The following GSTCD variants were observed in gnomAD, a reference collection of about 807,000 sequenced individuals.
The protein encoded by GSTCD is glutathione S-transferase C-terminal domain containing, also known as glutathione S-transferase C-terminal domain-containing protein.
Under a neutral mutation model 68.3 loss-of-function variants are expected in GSTCD, and 44 were observed. The ratio of observed to expected loss-of-function variants is 0.64; its 90% CI spans 0.51 to 0.83. GSTCD has a LOEUF of 0.83. Ranked by LOEUF, GSTCD falls within the 40% of genes least tolerant of loss-of-function variation. The pLI is 0.00. For synonymous variants in GSTCD, 273 were observed against 255.2 expected, an observed-to-expected ratio of 1.07 and a Z score of -0.67; for missense variants, 739 against 735.9, an observed-to-expected ratio of 1.00 and a Z score of -0.05.
chr4:105,823,568 T>G (rs1348106831), intron 7 of GSTCD: 18 of 217,436 alleles, frequency 8.3e-5, no homozygotes, highest in Non-Finnish European at 1.6e-4. Flanking sequence ...TTCAACTAGT[T>G]TAATTTTCAA....
At chr4:105,787,197 T>C (rs1671218830) in intron 5 of GSTCD, among the ~76,000 whole-genome samples, 1 of 152,098 alleles carries the variant, frequency 6.6e-6, no homozygotes, top group African/African-American at 2.4e-5. Context: ...GTTCCCATAC[T>C]TTCCATGCAT....
At position 105,726,672 on chromosome 4, in the gene GSTCD, ACAG is replaced by A; in HGVS notation, c.993_995del (p.Ala332del). ...GATTCAGGAAGTGCCAGGAGTAAAA[ACAG>A]CAGCTTCTAAGTGTGGGATCCAATT... On this transcript the variant is annotated inframe_deletion, in exon 4 of 12. Transcript: ENST00000515279. 1 of 1,613,978 alleles carries A rather than the reference ACAG, an allele frequency of 6.2e-7. No individual in the cohort carries two copies. Among genetic ancestry groups the A allele is most frequent in the Non-Finnish European group, 8.5e-7 (1 of 1,179,938 alleles).
In GSTCD at chr4:105,823,020, C is replaced by A. The variant is rs1723386645; in HGVS notation, c.1307C>A (p.Thr436Lys). 5.6e-6 allele frequency: 9 copies of A among 1,613,734 alleles called. No homozygotes were observed. The highest frequency in any genetic ancestry group is 7.6e-6 in the Non-Finnish European group (9 of 1,179,794). Residue 436 changes from threonine (T) to lysine (K), a missense_variant, in exon 6 of 12, where the codon ACA becomes AAA. Coordinates refer to ENST00000515279, the MANE Select transcript of GSTCD (RefSeq NM_001370181.1). ...QQLNNLVYVV[T>K]NQAKPGDRIV... is the part of the protein sequence containing the mutation. ...TTGAACAACCTTGTCTATGTGGTAA[C>A]AAATCAGGCCAAACCTGGTGACAGA...
At chr4:105,722,552 G>A (rs943128181) in intron 3 of GSTCD, among the ~76,000 whole-genome samples, 1 of 151,906 alleles carries the variant, frequency 6.6e-6, no homozygotes, top group Non-Finnish European at 1.5e-5. Context: ...GTATGACTAA[G>A]GAAATGATAT....
At chr4:105,744,655 C>G (rs572503052) in intron 5 of GSTCD, among the ~76,000 whole-genome samples, 245 of 152,196 alleles carry the variant, frequency 1.6e-3, no homozygotes, top group African/African-American at 5.4e-3. Flanking sequence ...TGGAAATGCC[C>G]CCAACCATTC....
chr4:105,786,556 A>G (rs1026702831), intron 5 of GSTCD, among the ~76,000 whole-genome samples: 24 of 151,606 alleles, frequency 1.6e-4, no homozygotes, highest in South Asian at 2.1e-4. Flanking sequence ...AAAGACCACA[A>G]TCCACATAAT....
At chr4:105,797,402 T>C (rs1163190571) in intron 5 of GSTCD, among the ~76,000 whole-genome samples, 1 of 152,178 alleles carries the variant, frequency 6.6e-6, no homozygotes, top group Non-Finnish European at 1.5e-5. Flanking sequence ...CATGCATTTT[T>C]TGGTTTGCCA....
chr4:105,820,608 C>T (rs749733021), intron 5 of GSTCD: 6 of 151,738 alleles, frequency 4.0e-5, no homozygotes, highest in African/African-American at 7.2e-5. Flanking sequence ...AAAACTAGAA[C>T]GGGGAAAGAG....
chr4:105,795,461 G>C (rs1364019278), intron 5 of GSTCD, among the ~76,000 whole-genome samples: 1 of 152,060 alleles, frequency 6.6e-6, no homozygotes, highest in African/African-American at 2.4e-5. Context: ...ATTGTGAGCA[G>C]AATCTCTAAT....
intron 5 of GSTCD, among the ~76,000 whole-genome samples, chr4:105,773,197 G>A (rs1411202629): frequency 1.3e-5 from 2 of 152,066 alleles, no homozygotes; most frequent in African/African-American, 2.4e-5. Context: ...TGGGATAGTG[G>A]TGATATCCCC....
At chr4:105,732,799 A>T (rs574892670) in intron 5 of GSTCD, among the ~76,000 whole-genome samples, 1 of 152,108 alleles carries the variant, frequency 6.6e-6, no homozygotes, top group Non-Finnish European at 1.5e-5. Context: ...TCAATTTTAG[A>T]TCTTTCCTGC....
intron 5 of GSTCD, among the ~76,000 whole-genome samples, chr4:105,763,308 T>G (rs1180026757): frequency 6.6e-6 from 1 of 152,208 alleles, no homozygotes; most frequent in Non-Finnish European, 1.5e-5. Flanking sequence ...GAGTTAAGCA[T>G]TTTTCTTCTC....
At chr4:105,793,639 G>T (rs1735761382) in intron 5 of GSTCD, among the ~76,000 whole-genome samples, 2 of 151,894 alleles carry the variant, frequency 1.3e-5, no homozygotes, top group South Asian at 2.1e-4. Flanking sequence ...TTAAGGGAAT[G>T]CTCTTTATAG....
At chr4:105,779,135 A>G (rs1245998330) in intron 5 of GSTCD, among the ~76,000 whole-genome samples, 1 of 152,220 alleles carries the variant, frequency 6.6e-6, no homozygotes, top group Non-Finnish European at 1.5e-5. Context: ...TTATAACAAC[A>G]GAAAAATCCC....
chr4:105,845,594 T>A lies in GSTCD; in HGVS notation c.*17T>A. On this transcript the variant is annotated 3_prime_UTR_variant, in exon 12 of 12. Coordinates refer to ENST00000515279, the MANE Select transcript of GSTCD (RefSeq NM_001370181.1). ...CCCATTTAAAATGAGATATTCACAT[T>A]TGATATTTTGCCATCCGTCTTCACG... 1 of 1,613,518 alleles carries A rather than the reference T, an allele frequency of 6.2e-7. No homozygotes were observed. The highest frequency in any genetic ancestry group is 2.2e-5 in the East Asian group (1 of 44,878).
At position 105,711,532 on chromosome 4, in the gene GSTCD, G is replaced by A. The variant is rs143020458; in HGVS notation, c.-22+2516G>A. On this transcript the variant is annotated intron_variant, in intron 1 of 11. Transcript: ENST00000515279. ...CCATCAAGGTTTGCATATTTTAATA[G>A]TGCCAGTTGATAAGGAATTTGGTTA... Among the ~76,000 whole-genome samples the A allele has an allele frequency of 1.4e-4, 21 of 152,284 alleles. 2 individuals are homozygous for A. In the East Asian group the frequency reaches 2.9e-3, roughly 21 times the overall value.
intron 11 of GSTCD, among the ~76,000 whole-genome samples, chr4:105,844,917 T>G (rs1045281051): frequency 2.3e-4 from 35 of 152,352 alleles, no homozygotes; most frequent in Admixed American, 2.2e-3. Context: ...AACATTACAT[T>G]TCCACCTGAA....
At chr4:105,762,135 C>T (rs1734434001) in intron 5 of GSTCD, among the ~76,000 whole-genome samples, 1 of 152,230 alleles carries the variant, frequency 6.6e-6, no homozygotes, top group Non-Finnish European at 1.5e-5. Flanking sequence ...AATAGTCAGT[C>T]TTCCTTTGCA....
chr4:105,779,993 GA>G (rs1735215977), intron 5 of GSTCD, among the ~76,000 whole-genome samples: 2 of 152,242 alleles, frequency 1.3e-5, no homozygotes, highest in South Asian at 4.1e-4. Flanking sequence ...CCTCAAGAGA[GA>G]AAAAACTACT....
Sources: allele counts gnomAD v4.1 joint callset (sites outside exome capture counted in the v4.1 genomes callset), GRCh38; gene constraint gnomAD v4.1.1; transcripts MANE v1.5; gene names NCBI Gene and HGNC (gene_info 2026-07-23, HGNC 2026-07-21).